The following GRK4 variants were observed in gnomAD, a reference collection of about 807,000 sequenced individuals.
GRK4 encodes the protein G protein-coupled receptor kinase 4, also known as G protein-coupled receptor kinase 2-like.
In GRK4, 73 loss-of-function variants were observed where a neutral mutation model predicts 77.9. The ratio of observed to expected loss-of-function variants is 0.94; its 90% CI spans 0.78 to 1.14. The LOEUF is 1.14. Among genes scored for constraint, GRK4 ranks in the 50% most tolerant of loss-of-function variants. GRK4 has a pLI of 0.00. For synonymous variants in GRK4, 257 were observed against 254.4 expected (o/e 1.01, Z -0.10); for missense variants, 729 against 700.2 (o/e 1.04, Z -0.46).
At chr4:2,969,918 C>T (rs1490334962) in intron 1 of GRK4, among the ~76,000 whole-genome samples, 1 of 152,034 alleles carries the variant, frequency 6.6e-6, no homozygotes, top group Non-Finnish European at 1.5e-5. Context: ...CTCAAGTGAT[C>T]CTACCCTCCC....
rs562965514 is a variant in GRK4, at chr4:2,982,994, G to A, written c.53-1519G>A. On this transcript the variant is annotated intron_variant, in intron 1 of 15. Coordinates refer to ENST00000398052, the MANE Select transcript of GRK4 (RefSeq NM_182982.3). The stretch of plus-strand genomic sequence containing the variant: ...AAGATTATGAGTCTAGGGTGAACAT[G>A]TTGAATGCCAGGTGCTCTGGACATC... Among the ~76,000 whole-genome samples the A allele has an allele frequency of 4.6e-5, 7 of 152,354 alleles. No homozygotes were observed. The East Asian group carries it at 1.4e-3, about 29-fold the overall frequency.
intron 9 of GRK4, among the ~76,000 whole-genome samples, chr4:3,021,208 G>A (rs1180934219): frequency 2.0e-5 from 3 of 152,088 alleles, no homozygotes; most frequent in Admixed American, 6.6e-5. Context: ...TAGCTGCTCA[G>A]GTGTCCTCAC....
chr4:2,998,993 A>G (rs1318793551), intron 4 of GRK4, among the ~76,000 whole-genome samples: 1 of 152,192 alleles, frequency 6.6e-6, no homozygotes, highest in Non-Finnish European at 1.5e-5. Flanking sequence ...TCAAGACAGT[A>G]TGGTCCTGGC....
intron 7 of GRK4, 63 bp downstream of exon 7, chr4:3,009,774 A>AGC: frequency 8.1e-7 from 1 of 1,229,540 alleles, no homozygotes; most frequent in Non-Finnish European, 1.2e-6. Flanking sequence ...GGTCCTGAGA[A>AGC]CATGGCTTCA....
rs568396384 is a variant in GRK4, at chr4:2,970,671, AT to A, written c.52+6550del. ...GACTCCATCTCAAAAAAAAAAAAAAATGTTCTTTTTTTTTGGGGGGGTCAGT... is the reference window on the plus strand; with the variant it reads ...GACTCCATCTCAAAAAAAAAAAAAAAGTTCTTTTTTTTTGGGGGGGTCAGT... On this transcript the variant is annotated intron_variant, in intron 1 of 15. Transcript: ENST00000398052. Among the ~76,000 whole-genome samples the A allele has an allele frequency of 3.4e-3, 509 of 151,082 alleles. 4 individuals are homozygous for A. The highest frequency in any genetic ancestry group is 8.8e-3 in the African/African-American group (362 of 41,180).
Position 2,963,941 on chromosome 4 carries a change from A to C in GRK4, c.-130A>C. 2 of 830,680 alleles carry C rather than the reference A, an allele frequency of 2.4e-6. No individual in the cohort carries two copies. The highest frequency in any genetic ancestry group is 1.4e-5 in the South Asian group (1 of 69,144). The allele number at this position is 830,680 out of a possible 1,614,324, so 51.5% of individuals were successfully genotyped here. On this transcript the variant is annotated 5_prime_UTR_variant, in exon 1 of 16. Transcript: ENST00000398052. ...GGTGGCGGCGGAGCAGCCTCCCGGG[A>C]TCGTGTCCGGAGCTCGAGGAGAGGG...
chr4:3,000,346 G>A (rs1431149395), intron 4 of GRK4, among the ~76,000 whole-genome samples: 1 of 152,114 alleles, frequency 6.6e-6, no homozygotes, highest in African/African-American at 2.4e-5. Flanking sequence ...ACTATTTGGT[G>A]TTAATCATTA....
chr4:2,974,613 T>A (rs544506732), intron 1 of GRK4, among the ~76,000 whole-genome samples: 1 of 152,344 alleles, frequency 6.6e-6, no homozygotes, highest in South Asian at 2.1e-4. Context: ...GCTCAGGTAA[T>A]GTGGAGGATC....
chr4:2,965,703 C>T (rs946244215), intron 1 of GRK4: 2 of 502,996 alleles, frequency 4.0e-6, no homozygotes, highest in African/African-American at 3.9e-5. Flanking sequence ...AAGACTTCAT[C>T]TTCTCAGTAT....
intron 1 of GRK4, among the ~76,000 whole-genome samples, chr4:2,970,760 C>T (rs548708968): frequency 6.6e-6 from 1 of 151,906 alleles, no homozygotes; most frequent in East Asian, 2.0e-4. Flanking sequence ...AGCTCTGCCT[C>T]CCAGGTTCAC....
At chr4:3,029,625 C>T (rs562377033) in intron 12 of GRK4, among the ~76,000 whole-genome samples, 111 of 152,188 alleles carry the variant, frequency 7.3e-4, no homozygotes, top group African/African-American at 2.6e-3. Context: ...AGGGAGGACA[C>T]GTGTGTTCAG....
intron 1 of GRK4, among the ~76,000 whole-genome samples, chr4:2,980,068 A>G (rs557074891): frequency 2.0e-5 from 3 of 152,162 alleles, no homozygotes; most frequent in African/African-American, 4.8e-5. Context: ...CCCAGCTCCA[A>G]GTTTCTTTGG....
intron 8 of GRK4, among the ~76,000 whole-genome samples, chr4:3,016,858 G>A (rs145306346): frequency 1.3e-5 from 2 of 152,184 alleles, no homozygotes; most frequent in East Asian, 1.9e-4. Flanking sequence ...TTTCTATATC[G>A]TTGGCCTCTC....
intron 12 of GRK4, among the ~76,000 whole-genome samples, chr4:3,033,223 AAAAG>A (rs771454152): frequency 3.5e-4 from 53 of 152,158 alleles, no homozygotes; most frequent in African/African-American, 5.1e-4. Context: ...TCTATATTTT[AAAAG>A]AAAGAAAGAA....
At chr4:3,028,047 C>T (rs1258206570) in intron 11 of GRK4, 46 bp downstream of exon 11, 2 of 1,549,308 alleles carry the variant, frequency 1.3e-6, no homozygotes, top group Non-Finnish European at 1.8e-6. Context: ...ATCCGGGTGC[C>T]TGAGTGCCTC....
chr4:3,035,561 A>G (rs546650339), intron 13 of GRK4, 38 bp downstream of exon 13: 3 of 1,590,668 alleles, frequency 1.9e-6, no homozygotes, highest in South Asian at 2.3e-5. Flanking sequence ...CCCTAGGAAC[A>G]GTGATCCGCA....
intron 4 of GRK4, among the ~76,000 whole-genome samples, chr4:2,996,281 G>A (rs528578674): frequency 6.6e-6 from 1 of 152,158 alleles, no homozygotes; most frequent in Non-Finnish European, 1.5e-5. Context: ...TAGGCCGGGC[G>A]CGGTGGCTCA....
At chr4:2,984,961 T>G (rs1415203646) in intron 2 of GRK4, among the ~76,000 whole-genome samples, 1 of 151,568 alleles carries the variant, frequency 6.6e-6, no homozygotes, top group Non-Finnish European at 1.5e-5. Flanking sequence ...TTAGAAACAT[T>G]TTTTACAAGT....
intron 10 of GRK4, among the ~76,000 whole-genome samples, chr4:3,024,255 T>C (rs1445707581): frequency 6.6e-6 from 1 of 152,136 alleles, no homozygotes; most frequent in Non-Finnish European, 1.5e-5. Context: ...TTTCCTTTTT[T>C]TAAAGTTCTT....
Sources: gnomAD v4.1 joint callset for allele counts (sites outside exome capture counted in the v4.1 genomes callset) on GRCh38, gnomAD v4.1.1 for gene constraint, MANE v1.5 for transcripts, NCBI Gene and HGNC (gene_info 2026-07-23, HGNC 2026-07-21) for gene names.